Variants in PCDHGB3 observed in about 807,000 individuals in gnomAD.
PCDHGB3 encodes protocadherin gamma-B3.
In PCDHGB3, 40 loss-of-function variants were observed where a neutral mutation model predicts 59.2. The ratio of observed to expected loss-of-function variants is 0.68; its 90% CI spans 0.52 to 0.88. PCDHGB3 has a LOEUF of 0.88. PCDHGB3 is among the 40% of genes least tolerant of loss of function. PCDHGB3 has a pLI of 0.00. For synonymous variants in PCDHGB3, 581 were observed against 503.6 expected (o/e 1.15, Z -2.06); for missense variants, 1,309 against 1,187.9 (o/e 1.10, Z -1.50).
At chr5:141,410,182 T>G in intron 1 of PCDHGB3, 1 of 1,613,868 alleles carries the variant, frequency 6.2e-7, no homozygotes, top group Non-Finnish European at 8.5e-7. Flanking sequence ...CCGCCACGCT[T>G]CATCTGGTCT....
rs1269660369 is a variant in PCDHGB3 at position 141,408,454 on chromosome 5, A to T, written c.2415+35645A>T. On this transcript the variant is annotated intron_variant, in intron 1 of 3. Transcript: ENST00000576222. ...GCGTAGACGCGGAGAGCGGGGACTT[A>T]CTTGTGAAGAACCGAATAGACCGTG... The T allele has an allele frequency of 4.3e-6, 7 of 1,613,934 alleles. No homozygotes were observed. The African/African-American group carries it at 9.3e-5, about 22-fold the overall frequency.
chr5:141,448,720 C>T (rs545687728), intron 1 of PCDHGB3, among the ~76,000 whole-genome samples: 24 of 152,030 alleles, frequency 1.6e-4, no homozygotes, highest in African/African-American at 5.8e-4. Flanking sequence ...GCGGGAGGAT[C>T]ACGAGGTCAG....
intron 1 of PCDHGB3, chr5:141,403,682 C>T (rs1456832899): frequency 1.3e-5 from 21 of 1,613,810 alleles, no homozygotes; most frequent in Non-Finnish European, 1.1e-5. Flanking sequence ...GGTTTTTGCT[C>T]AACGGATTTA....
intron 1 of PCDHGB3, chr5:141,382,846 G>T: frequency 1.4e-6 from 2 of 1,475,644 alleles, no homozygotes; most frequent in Non-Finnish European, 9.1e-7. Context: ...GGATACACCC[G>T]CATTCTGAAG....
intron 1 of PCDHGB3, among the ~76,000 whole-genome samples, chr5:141,401,338 A>G (rs2094142012): frequency 6.6e-6 from 1 of 152,186 alleles, no homozygotes; most frequent in Non-Finnish European, 1.5e-5. Flanking sequence ...GCAAAACTCC[A>G]TCTCAAAAAA....
In PCDHGB3 at chr5:141,511,197, C is replaced by A; in HGVS notation, c.*24C>A. 1 of 1,613,140 alleles carries A rather than the reference C, an allele frequency of 6.2e-7. No individual in the cohort carries two copies. Among genetic ancestry groups the A allele is most frequent in the Non-Finnish European group, 8.5e-7 (1 of 1,179,524 alleles). Reference sequence around the variant, plus strand: ...AACATGGAGGCCAGGCCAAGAGCCACAGGGCGGCCTCTCCCCAACCAGCCC... The same window carrying A: ...AACATGGAGGCCAGGCCAAGAGCCAAAGGGCGGCCTCTCCCCAACCAGCCC... On this transcript the variant is annotated 3_prime_UTR_variant, in exon 4 of 4. Transcript: ENST00000576222.
At chr5:141,408,008 C>A in intron 1 of PCDHGB3, 2 of 949,842 alleles carry the variant, frequency 2.1e-6, no homozygotes, top group Non-Finnish European at 3.0e-6. Context: ...GGATTCCCTG[C>A]GCAGCCAACA....
chr5:141,403,358 G>C (rs1031210052), intron 1 of PCDHGB3: 3 of 1,614,026 alleles, frequency 1.9e-6, no homozygotes, highest in Non-Finnish European at 2.5e-6. Flanking sequence ...GTTCCAGGCC[G>C]AAAGTCTGGA....
chr5:141,376,088 C>T lies in PCDHGB3; in HGVS notation c.2415+3279C>T, dbSNP rs527893060. 5.1e-5 allele frequency: 83 copies of T among 1,613,666 alleles called. No homozygotes were observed. The highest frequency in any genetic ancestry group is 2.0e-4 in the East Asian group (9 of 44,878). On this transcript the variant is annotated intron_variant, in intron 1 of 3. Coordinates refer to ENST00000576222, the MANE Select transcript of PCDHGB3 (RefSeq NM_018924.5). Reference sequence around the variant, plus strand: ...CACCGTGGCCGTGGCCGACAGGATCCCCGACATCCTGGCCGACCTGGGCAG... The same window carrying T: ...CACCGTGGCCGTGGCCGACAGGATCTCCGACATCCTGGCCGACCTGGGCAG...
chr5:141,371,107 AC>A lies in PCDHGB3; in HGVS notation c.719del (p.Pro240GlnfsTer23). ...GTAATTGTCGCAGATGCAAATGATA[AC>A]CCCCCAGTATTTACTCAGGACATGT... ...IRVIVADAND[N>X]PPVFTQDMYR... On this transcript the variant is annotated frameshift_variant, in exon 1 of 4. Coordinates refer to ENST00000576222, the MANE Select transcript of PCDHGB3 (RefSeq NM_018924.5). LOFTEE classifies it high-confidence loss of function. 1 of 1,613,650 alleles carries A rather than the reference AC, an allele frequency of 6.2e-7. No homozygotes were observed. Among genetic ancestry groups the A allele is most frequent in the Non-Finnish European group, 8.5e-7 (1 of 1,179,716 alleles).
rs1193417991 is a variant in PCDHGB3 at position 141,491,413 on chromosome 5, G to T, written c.2416-3394G>T. The T allele has an allele frequency of 6.2e-7, 1 of 1,614,064 alleles. No individual in the cohort carries two copies. Among genetic ancestry groups the T allele is most frequent in the South Asian group, 1.1e-5 (1 of 91,074 alleles). ...CCTTCAGGGAAACGCAGACGGGGAC[G>T]GGGGTGGAGGGCAGTGCTGCAGGCG... On this transcript the variant is annotated intron_variant, in intron 1 of 3. Transcript: ENST00000576222. This position sits in a 1 kb window ranked among gnomAD's most constrained non-coding sequence, Gnocchi z 6.9.
chr5:141,389,977 CAG>C (rs1303197054), intron 1 of PCDHGB3: 1 of 1,613,936 alleles, frequency 6.2e-7, no homozygotes, highest in Non-Finnish European at 8.5e-7. Flanking sequence ...GCCTTGATCT[CAG>C]TGCTCTTCCT....
At chr5:141,481,649 C>G (rs1199734660) in intron 1 of PCDHGB3, among the ~76,000 whole-genome samples, 1 of 152,012 alleles carries the variant, frequency 6.6e-6, no homozygotes, top group African/African-American at 2.4e-5. Flanking sequence ...GAAACTTCAT[C>G]TCTACTAATA....
chr5:141,394,435 C>T, intron 1 of PCDHGB3: 1 of 1,614,246 alleles, frequency 6.2e-7, no homozygotes, highest in Non-Finnish European at 8.5e-7. Flanking sequence ...GGGGACCCGC[C>T]CCTCAGCAGC....
intron 2 of PCDHGB3, among the ~76,000 whole-genome samples, chr5:141,503,688 T>A (rs2099828724): frequency 6.6e-6 from 1 of 152,042 alleles, no homozygotes; most frequent in African/African-American, 2.4e-5. Context: ...GGAAGGAGAA[T>A]TGAGATTCCT....
intron 1 of PCDHGB3, chr5:141,410,165 T>G: frequency 1.9e-6 from 3 of 1,613,714 alleles, no homozygotes; most frequent in Non-Finnish European, 2.5e-6. Flanking sequence ...GCCGCCACTC[T>G]CTGCCACCGC....
In PCDHGB3 at chr5:141,457,578, C is replaced by T. The variant is rs538068150; in HGVS notation, c.2416-37229C>T. Among the ~76,000 whole-genome samples, 38 of 152,304 alleles carry T rather than the reference C, an allele frequency of 2.5e-4. No individual in the cohort carries two copies. The South Asian group carries it at 7.7e-3, about 31-fold the overall frequency. ...AGCTTTGGAGCAAAATTTTTCTCTC[C>T]AGTCCTCATTTTTGGTAAAAACTAA... On this transcript the variant is annotated intron_variant, in intron 1 of 3. Coordinates refer to ENST00000576222, the MANE Select transcript of PCDHGB3 (RefSeq NM_018924.5).
intron 1 of PCDHGB3, chr5:141,393,073 C>A: frequency 1.2e-6 from 2 of 1,613,658 alleles, no homozygotes; most frequent in Non-Finnish European, 8.5e-7. Flanking sequence ...TTGATCACCG[C>A]GGGCAGGATA....
chr5:141,370,305 G>T lies in PCDHGB3; in HGVS notation c.-90G>T. 1.7e-6 allele frequency: 2 copies of T among 1,206,280 alleles called. No homozygotes were observed. The highest frequency in any genetic ancestry group is 2.3e-6 in the Non-Finnish European group (2 of 868,706). 74.7% of individuals were successfully genotyped at this position (1,206,280 alleles called of 1,614,324 possible). A position where few individuals can be genotyped will look rare whatever the true frequency, so the allele number is the denominator to read the frequency against. On this transcript the variant is annotated 5_prime_UTR_variant, in exon 1 of 4. Coordinates refer to ENST00000576222, the MANE Select transcript of PCDHGB3 (RefSeq NM_018924.5). ...TAGAGAACCCAAGCACAAAGACAAAGCAAATAGTTGGTCCTGCTCGGAGAA... is the reference window on the plus strand; with the variant it reads ...TAGAGAACCCAAGCACAAAGACAAATCAAATAGTTGGTCCTGCTCGGAGAA...
Sources: allele counts gnomAD v4.1 joint callset (sites outside exome capture counted in the v4.1 genomes callset), GRCh38; gene constraint gnomAD v4.1.1; non-coding constraint Gnocchi (gnomAD v3.1); transcripts MANE v1.5; gene names NCBI Gene and HGNC (gene_info 2026-07-23, HGNC 2026-07-21).